The following ZPBP2 variants were observed in gnomAD, a reference collection of about 807,000 sequenced individuals.
The protein encoded by ZPBP2 is zona pellucida-binding protein 2.
A neutral mutation model predicts 37.5 loss-of-function variants in ZPBP2; 34 were observed. The ratio of observed to expected loss-of-function variants is 0.91; its 90% CI spans 0.69 to 1.21. The LOEUF (loss-of-function observed/expected upper bound fraction) is 1.21, where lower values mean the gene tolerates loss of function less well. Ranked by LOEUF, ZPBP2 falls within the 50% of genes most tolerant of loss-of-function variation. The pLI is 0.00. For missense variants in ZPBP2, 397 were observed against 413.5 expected (o/e 0.96, Z 0.35); for synonymous variants, 143 against 138.4 (o/e 1.03, Z -0.23).
rs2063344656 is a variant in ZPBP2 at position 39,868,293 on chromosome 17, C to T, written c.-62C>T. 6 of 1,580,242 alleles carry T rather than the reference C, an allele frequency of 3.8e-6. No individual in the cohort carries two copies. The Admixed American group carries it at 5.0e-5, about 13-fold the overall frequency. ...GTGGAGGAGGTGGGGAGGTGTTGGG[C>T]CAGGGCTGAGGTAGGAGGGAGTCTG... On this transcript the variant is annotated 5_prime_UTR_variant, in exon 1 of 8. Coordinates refer to ENST00000348931, the MANE Select transcript of ZPBP2 (RefSeq NM_199321.3).
intron 2 of ZPBP2, 89 bp downstream of exon 2, chr17:39,868,703 C>A (rs959966595): frequency 1.0e-5 from 15 of 1,466,596 alleles, no homozygotes; most frequent in African/African-American, 1.4e-5. Flanking sequence ...AGAAGGGGAA[C>A]GAGCCAGCGT....
chr17:39,873,120 C>T lies in ZPBP2; in HGVS notation c.702C>T (p.Ile234=). The T allele has an allele frequency of 1.2e-6, 2 of 1,606,178 alleles. No homozygotes were observed. Among genetic ancestry groups the T allele is most frequent in the Non-Finnish European group, 1.7e-6 (2 of 1,177,198 alleles). Residue 234 remains isoleucine (I), a synonymous_variant, in exon 6 of 8, where the codon ATC becomes ATT. Transcript: ENST00000348931. ...VDCEDTTNHN[I]LQARDRIEDF... ...GTGAAGATACCACTAATCATAATAT[C>T]CTCCAGGTGAGAATTTCATGGTAAG...
Position 39,868,601 on chromosome 17 carries a change from G to C in ZPBP2, c.105G>C (p.Lys35Asn), listed in dbSNP as rs1406710701. The change falls in exon 2 of 8, where the codon AAG (lysine) becomes AAC (asparagine). Residue 35 changes from lysine to asparagine, a missense_variant. Physicochemically the swap from Lys to Asn is moderately conservative, Grantham distance 94 (BLOSUM62 0). Transcript: ENST00000348931. ...LFNKKGFIYG[K>N]TGQPDKIYVE... ...ATAAGAAGGGCTTCATTTATGGCAA[G>C]ACAGGACAGCCAGGTAATAAGGGCC... The C allele has an allele frequency of 6.2e-7, 1 of 1,614,168 alleles. No homozygotes were observed. Among genetic ancestry groups the C allele is most frequent in the Non-Finnish European group, 8.5e-7 (1 of 1,180,044 alleles).
Position 39,875,396 on chromosome 17 carries a change from A to G in ZPBP2, c.851A>G (p.Lys284Arg), listed in dbSNP as rs766637865. The G allele has an allele frequency of 4.3e-6, 7 of 1,613,676 alleles. No homozygotes were observed. Among genetic ancestry groups the G allele is most frequent in the Non-Finnish European group, 4.2e-6 (5 of 1,179,860 alleles). The change falls in exon 7 of 8, where the codon AAA (lysine) becomes AGA (arginine). Residue 284 changes from lysine (K) to arginine (R), a missense_variant. Lys to Arg is a conservative substitution (Grantham distance 26, BLOSUM62 2). Transcript: ENST00000348931. ...GATAGCTGTCGACCAGGCTTTGGAAAAAATGAACGTCTACACAGTAATTGC... is the reference window on the plus strand; with the variant it reads ...GATAGCTGTCGACCAGGCTTTGGAAGAAATGAACGTCTACACAGTAATTGC... ...RLDSCRPGFG[K>R]NERLHSNCAS...
chr17:39,870,643 A>C, intron 2 of ZPBP2, 51 bp from the exon 3 acceptor site: 2 of 1,106,626 alleles, frequency 1.8e-6, no homozygotes, highest in Non-Finnish European at 2.4e-6. Flanking sequence ...TATATTTCTT[A>C]ATTTAATTTT....
At chr17:39,869,707 CTTTTT>C (rs59544817) in intron 2 of ZPBP2, among the ~76,000 whole-genome samples, 6 of 93,010 alleles carry the variant, frequency 6.5e-5, no homozygotes, top group African/African-American at 1.6e-4. Context: ...ACCAGCCAAT[CTTTTT>C]TTTTTTTTTT....
In ZPBP2 at chr17:39,876,743, C is replaced by A. The variant is rs145555016; in HGVS notation, c.951C>A (p.Ser317=). The A allele has an allele frequency of 3.8e-5, 61 of 1,613,846 alleles. No individual in the cohort carries two copies. The Admixed American group carries it at 7.5e-4, about 20-fold the overall frequency. ...ATGTAACTTGTCAGACCTGCGTTTC[C>A]GTCCTTACCTATGGAGCTAAATCTT... The part of the protein sequence containing the change: ...DVNVTCQTCV[S]VLTYGAKSCP... The change falls in exon 8 of 8, where the codon TCC becomes TCA. Residue 317 remains serine, a synonymous_variant. Coordinates refer to ENST00000348931, the MANE Select transcript of ZPBP2 (RefSeq NM_199321.3).
chr17:39,876,959 A>C lies in ZPBP2; in HGVS notation c.*150A>C. 1.1e-6 allele frequency: 1 copy of C among 932,348 alleles called. No homozygotes were observed. 57.8% of individuals were successfully genotyped at this position (932,348 alleles called of 1,614,324 possible). On this transcript the variant is annotated 3_prime_UTR_variant, in exon 8 of 8. Coordinates refer to ENST00000348931, the MANE Select transcript of ZPBP2 (RefSeq NM_199321.3). ...TTGGAAACTTTAAAATAAATGGTTA[A>C]CATGGCATTTCTAAGAAGGCATTTA...
chr17:39,873,726 C>T (rs961462695), intron 6 of ZPBP2, among the ~76,000 whole-genome samples: 13 of 152,070 alleles, frequency 8.5e-5, no homozygotes, highest in African/African-American at 3.1e-4. Flanking sequence ...TGTCACCCTA[C>T]GTTAAGCCAA....
intron 2 of ZPBP2, among the ~76,000 whole-genome samples, chr17:39,869,419 T>G (rs1598261400): frequency 6.8e-6 from 1 of 147,822 alleles, no homozygotes; most frequent in Non-Finnish European, 1.5e-5. Context: ...TTTTTTTTTT[T>G]TTTTTTTGAC....
At chr17:39,875,561 T>C in intron 7 of ZPBP2, 127 bp downstream of exon 7, 1 of 768,558 alleles carries the variant, frequency 1.3e-6, no homozygotes, top group Non-Finnish European at 1.8e-6. Context: ...TATATATATT[T>C]AGCTAAAAGG....
rs1241236040 is a variant in ZPBP2 at position 39,872,265 on chromosome 17, T to A, written c.407-5T>A. The A allele has an allele frequency of 8.3e-6, 13 of 1,564,584 alleles. No homozygotes were observed. The highest frequency in any genetic ancestry group is 6.8e-5 in the East Asian group (3 of 44,070). ...TTCACTCTCATCTTTCTTTTTTTTT[T>A]AAAGCCTATCGGGAACCTGATTATT... is the stretch of plus-strand genomic sequence containing the variant. On this transcript the variant is annotated splice_region_variant and splice_polypyrimidine_tract_variant and intron_variant, in intron 4 of 7. Coordinates refer to ENST00000348931, the MANE Select transcript of ZPBP2 (RefSeq NM_199321.3).
chr17:39,872,929 T>A (rs2063371927), intron 5 of ZPBP2, 115 bp from the exon 6 acceptor site: 1 of 815,592 alleles, frequency 1.2e-6, no homozygotes. Context: ...TAGGATTAGA[T>A]AGCTGGACTA....
intron 7 of ZPBP2, 86 bp from the exon 8 acceptor site, chr17:39,876,596 T>A: frequency 6.8e-7 from 1 of 1,473,322 alleles, no homozygotes; most frequent in Admixed American, 1.9e-5. Flanking sequence ...AAAGGCAGAT[T>A]TATATTGTTG....
At chr17:39,875,490 T>C (rs756880050) in intron 7 of ZPBP2, 56 bp downstream of exon 7, 167 of 1,287,210 alleles carry the variant, frequency 1.3e-4, no homozygotes, top group Non-Finnish European at 1.7e-4. Context: ...GAAGAATATA[T>C]AAGTAATTCA....
chr17:39,869,382 T>C (rs910834102), intron 2 of ZPBP2, among the ~76,000 whole-genome samples: 1 of 133,764 alleles, frequency 7.5e-6, no homozygotes, highest in African/African-American at 2.6e-5. Context: ...TCTATCTTTC[T>C]TTCTTTCTTT....
intron 6 of ZPBP2, among the ~76,000 whole-genome samples, chr17:39,873,493 CTG>C (rs1333441853): frequency 1.3e-5 from 2 of 151,868 alleles, no homozygotes; most frequent in Non-Finnish European, 2.9e-5. Flanking sequence ...GTTTTTTAAA[CTG>C]AGATTATGAG....
At chr17:39,868,828 A>C (rs538102414) in intron 2 of ZPBP2, among the ~76,000 whole-genome samples, 2 of 152,078 alleles carry the variant, frequency 1.3e-5, no homozygotes, top group Non-Finnish European at 2.9e-5. Context: ...ACAGCTCACA[A>C]AGGGCTGGGA....
Position 39,868,297 on chromosome 17 carries a change from G to A in ZPBP2, c.-58G>A, listed in dbSNP as rs2063344709. Reference sequence around the variant, plus strand: ...AGGAGGTGGGGAGGTGTTGGGCCAGGGCTGAGGTAGGAGGGAGTCTGTCCC... The same window carrying A: ...AGGAGGTGGGGAGGTGTTGGGCCAGAGCTGAGGTAGGAGGGAGTCTGTCCC... On this transcript the variant is annotated 5_prime_UTR_variant, in exon 1 of 8. Transcript: ENST00000348931. 2 of 1,588,282 alleles carry A rather than the reference G, an allele frequency of 1.3e-6. No homozygotes were observed. Among genetic ancestry groups the A allele is most frequent in the Non-Finnish European group, 1.7e-6 (2 of 1,170,892 alleles).
Sources: gnomAD v4.1 joint callset for allele counts (sites outside exome capture counted in the v4.1 genomes callset) on GRCh38, gnomAD v4.1.1 for gene constraint, MANE v1.5 for transcripts, NCBI Gene and HGNC (gene_info 2026-07-23, HGNC 2026-07-21) for gene names.